Variants in ROBO2 observed in about 807,000 individuals in gnomAD.
ROBO2 encodes the protein roundabout homolog 2.
Under a neutral mutation model 160.8 loss-of-function variants are expected in ROBO2, and 53 were observed. The observed-to-expected ratio is 0.33, with a 90% confidence interval of 0.26 to 0.41. The LOEUF (loss-of-function observed/expected upper bound fraction) is 0.41. ROBO2 is among the 10% of genes least tolerant of loss of function. The pLI, the probability that ROBO2 is intolerant of heterozygous loss-of-function variation, is 1.00. For synonymous variants in ROBO2, 664 were observed against 611.7 expected, an observed-to-expected ratio of 1.09 and a Z score of -1.26; for missense variants, 1,577 against 1,722.4, an observed-to-expected ratio of 0.92 and a Z score of 1.49.
At chr3:76,750,540 A>G (rs2093966741) in intron 2 of ROBO2, among the ~76,000 whole-genome samples, 1 of 152,178 alleles carries the variant, frequency 6.6e-6, no homozygotes, top group Non-Finnish European at 1.5e-5. Flanking sequence ...TTGTATATTT[A>G]GAAAACCCCA....
chr3:76,900,284 C>T (rs942757403), intron 2 of ROBO2, among the ~76,000 whole-genome samples: 16 of 152,068 alleles, frequency 1.1e-4, no homozygotes, highest in Admixed American at 7.2e-4. Flanking sequence ...GACGTAAAGC[C>T]CAACCATATT....
At chr3:76,065,752 TAC>T (rs4054051) in intron 2 of ROBO2, among the ~76,000 whole-genome samples, 284 of 143,680 alleles carry the variant, frequency 2.0e-3, no homozygotes, top group South Asian at 0.012. Flanking sequence ...TATATATATA[TAC>T]ACACACACAC....
chr3:76,724,514 T>C (rs1185168920), intron 2 of ROBO2, among the ~76,000 whole-genome samples: 1 of 152,174 alleles, frequency 6.6e-6, no homozygotes, highest in Non-Finnish European at 1.5e-5. Flanking sequence ...TGCTCTATTC[T>C]CCCCAATAGC....
intron 17 of ROBO2, among the ~76,000 whole-genome samples, 169 bp downstream of exon 18, chr3:77,589,102 C>T (rs947483181): frequency 6.6e-5 from 10 of 152,122 alleles, no homozygotes; most frequent in African/African-American, 2.2e-4. Flanking sequence ...CTTGACCTAT[C>T]GCTTTATAAC....
intron 2 of ROBO2, among the ~76,000 whole-genome samples, chr3:76,248,852 T>C (rs1705803045): frequency 6.6e-6 from 1 of 152,104 alleles, no homozygotes. Context: ...ACCTATGCTG[T>C]TTAGTAAAGT....
At position 77,200,308 on chromosome 3, in the gene ROBO2, TATATATATATA is replaced by T. The variant is rs1560218807; in HGVS notation, c.388+101969_388+101979del. Among the ~76,000 whole-genome samples the T allele has an allele frequency of 8.0e-5, 7 of 87,888 alleles. No homozygotes were observed. In the East Asian group the frequency reaches 9.7e-4, roughly 12 times the overall value. 57.7% of individuals were successfully genotyped at this position (87,888 alleles called of 152,430 possible). ...ATATATATATATATATATATATATA[TATATATATATA>T]TATTTTAGTTTCTATAGGTAAAGGG... On this transcript the variant is annotated intron_variant, in intron 2 of 25. Coordinates refer to ENST00000461745, the Ensembl canonical transcript of ROBO2.
At chr3:76,306,699 T>A (rs149349572) in intron 2 of ROBO2, among the ~76,000 whole-genome samples, 377 of 152,330 alleles carry the variant, frequency 2.5e-3, no homozygotes, top group Middle Eastern at 0.01. Context: ...AGCATTTTGA[T>A]AACAGGGACT....
In ROBO2 at chr3:76,895,034, A is replaced by G. The variant is rs74560732; in HGVS notation, c.110-202980A>G. Among the ~76,000 whole-genome samples, 1,257 of 152,234 alleles carry G rather than the reference A, an allele frequency of 8.3e-3. 17 individuals are homozygous for G. The highest frequency in any genetic ancestry group is 0.026 in the African/African-American group (1,088 of 41,564). On this transcript the variant is annotated intron_variant, in intron 2 of 26. Transcript: ENST00000487694. ...AGTAGTAATTAAAACCTTAAAATCA[A>G]AAAGTAGATTTTTAACTTTGAATTG...
chr3:76,858,860 T>C (rs2070432215), intron 2 of ROBO2, among the ~76,000 whole-genome samples: 1 of 152,172 alleles, frequency 6.6e-6, no homozygotes, highest in Non-Finnish European at 1.5e-5. Flanking sequence ...AGAGAGATGC[T>C]GAATCCAGGG....
intron 13 of ROBO2, among the ~76,000 whole-genome samples, chr3:77,573,602 T>G (rs752789052): frequency 2.1e-4 from 32 of 152,150 alleles, no homozygotes; most frequent in Middle Eastern, 3.4e-3. Context: ...AACGTTCATA[T>G]GCTTTTAAAA....
intron 2 of ROBO2, among the ~76,000 whole-genome samples, chr3:77,280,637 G>A (rs573552610): frequency 3.7e-4 from 56 of 152,172 alleles, no homozygotes; most frequent in African/African-American, 1.3e-3. Flanking sequence ...AGAAAATAAG[G>A]TCATTACATG....
At chr3:76,593,886 A>C (rs905414661) in intron 2 of ROBO2, among the ~76,000 whole-genome samples, 4 of 152,020 alleles carry the variant, frequency 2.6e-5, no homozygotes, top group African/African-American at 7.2e-5. Flanking sequence ...TAAATGTATA[A>C]AATAAGAGAA....
chr3:77,382,822 A>G (rs555627456), intron 2 of ROBO2, among the ~76,000 whole-genome samples: 1 of 152,326 alleles, frequency 6.6e-6, no homozygotes, highest in Admixed American at 6.5e-5. Flanking sequence ...TCATTAGTCA[A>G]TAGGCATTTA....
intron 2 of ROBO2, among the ~76,000 whole-genome samples, chr3:77,019,736 C>T (rs74850576): frequency 0.14 from 20,945 of 151,980 alleles, 1,543 homozygotes; most frequent in African/African-American, 0.18. Context: ...CTTTCCTCTG[C>T]AAGTATTTGT....
chr3:77,124,402 G>C (rs559006932), intron 2 of ROBO2, among the ~76,000 whole-genome samples: 2 of 152,106 alleles, frequency 1.3e-5, no homozygotes, highest in African/African-American at 2.4e-5. Flanking sequence ...GATAGGAGTA[G>C]AGTTTATATT....
At chr3:76,308,330 T>C (rs1221830001) in intron 2 of ROBO2, among the ~76,000 whole-genome samples, 2 of 127,710 alleles carry the variant, frequency 1.6e-5, no homozygotes, top group African/African-American at 3.0e-5. Context: ...TAAGGCGAGA[T>C]CGCACCACTG....
intron 2 of ROBO2, among the ~76,000 whole-genome samples, chr3:77,156,707 G>A (rs2078041787): frequency 6.7e-6 from 1 of 150,334 alleles, no homozygotes; most frequent in South Asian, 2.1e-4. Flanking sequence ...ATTTCTGCTG[G>A]TGATTAGTAC....
At chr3:76,209,018 CAT>C (rs1364849599) in intron 2 of ROBO2, among the ~76,000 whole-genome samples, 11 of 152,104 alleles carry the variant, frequency 7.2e-5, no homozygotes, top group Non-Finnish European at 2.9e-5. Flanking sequence ...CAGGAAAAAA[CAT>C]GTGAAATAGT....
At chr3:76,841,816 A>C (rs1409297321) in intron 2 of ROBO2, among the ~76,000 whole-genome samples, 2 of 152,188 alleles carry the variant, frequency 1.3e-5, no homozygotes, top group Admixed American at 6.5e-5. Context: ...TAAAAGTACT[A>C]TTCAGTGCAA....
Sources: gnomAD v4.1 joint callset for allele counts (sites outside exome capture counted in the v4.1 genomes callset) on GRCh38, gnomAD v4.1.1 for gene constraint, MANE v1.5 for transcripts, NCBI Gene and HGNC (gene_info 2026-07-23, HGNC 2026-07-21) for gene names.